LDHAL6A: variants seen among roughly 807,000 people sequenced by gnomAD.
The protein encoded by LDHAL6A is L-lactate dehydrogenase A-like 6A.
In LDHAL6A, 19 loss-of-function variants were observed where a neutral mutation model predicts 28.2. The observed-to-expected ratio is 0.67, with a 90% CI of 0.47 to 0.99. LDHAL6A has a LOEUF of 0.99. Ranked by LOEUF, LDHAL6A falls within the 50% of genes least tolerant of loss-of-function variation. The pLI, the probability that LDHAL6A is intolerant of heterozygous loss-of-function variation, is 0.00. For missense variants in LDHAL6A, 372 were observed against 398.6 expected, an observed-to-expected ratio of 0.93 and a Z score of 0.57; for synonymous variants, 144 against 134.4, an observed-to-expected ratio of 1.07 and a Z score of -0.49.
chr11:18,456,577 TTC>T lies in LDHAL6A; in HGVS notation c.-100_-99del. The T allele has an allele frequency of 1.0e-6, 1 of 1,002,806 alleles. No homozygotes were observed. Among genetic ancestry groups the T allele is most frequent in the South Asian group, 1.4e-5 (1 of 70,546 alleles). 62.1% of individuals were successfully genotyped at this position (1,002,806 alleles called of 1,614,324 possible). On this transcript the variant is annotated 5_prime_UTR_variant, in exon 1 of 7. An upstream open reading frame in the 5' UTR loses its in-frame stop. Transcript: ENST00000280706. ...ACCTCCTTCCACACGGGCCCAGGAG[TTC>T]TCTATACGCGCTCTCACCGCAGGTC...
At chr11:18,473,066 A>G (rs1849287673) in intron 3 of LDHAL6A, among the ~76,000 whole-genome samples, 2 of 152,096 alleles carry the variant, frequency 1.3e-5, no homozygotes, top group Non-Finnish European at 2.9e-5. Context: ...AAAACCCAAC[A>G]CATTTCCTCA....
intron 3 of LDHAL6A, among the ~76,000 whole-genome samples, chr11:18,467,980 C>T (rs1429652616): frequency 8.4e-5 from 4 of 47,842 alleles, no homozygotes; most frequent in African/African-American, 4.2e-4. Flanking sequence ...TATATATATA[C>T]GTATATATAT....
At chr11:18,456,893 G>A (rs1848773182) in intron 1 of LDHAL6A, 87 bp downstream of exon 1, 3 of 1,394,392 alleles carry the variant, frequency 2.2e-6, no homozygotes, top group African/African-American at 2.9e-5. Context: ...TCCAGTTCAA[G>A]GTGGTGAGTG....
Position 18,455,914 on chromosome 11 carries a change from TCACACCTGCC to T in LDHAL6A, c.-766_-757del, listed in dbSNP as rs1848740168. The stretch of plus-strand genomic sequence containing the variant: ...TGCCAAGCATCACACCTGCCAAGCA[TCACACCTGCC>T]AAGCATCACACCTGCGATGCCTGCA... On this transcript the variant is annotated 5_prime_UTR_variant, in exon 1 of 7. Coordinates refer to ENST00000280706, the MANE Select transcript of LDHAL6A (RefSeq NM_144972.5). The T allele has an allele frequency of 6.6e-6, 1 of 151,936 alleles. No homozygotes were observed. Among genetic ancestry groups the T allele is most frequent in the East Asian group, 1.9e-4 (1 of 5,164 alleles). The allele number at this position is 151,936 out of a possible 1,614,324, so 9.4% of individuals were successfully genotyped here. A position where few individuals can be genotyped will look rare whatever the true frequency, so the allele number is the denominator to read the frequency against.
intron 3 of LDHAL6A, among the ~76,000 whole-genome samples, chr11:18,473,651 C>T (rs1849300852): frequency 6.6e-6 from 1 of 152,146 alleles, no homozygotes; most frequent in African/African-American, 2.4e-5. Flanking sequence ...CCCACCTCAG[C>T]CTCCCTGTAA....
Position 18,456,497 on chromosome 11 carries a change from A to G in LDHAL6A, c.-184A>G. ...CATGGATGCTGAGCTGCCTGGCCAG[A>G]ACCTACCCAGCTTCTTTGCTGGTCA... On this transcript the variant is annotated 5_prime_UTR_variant, in exon 1 of 7. Coordinates refer to ENST00000280706, the MANE Select transcript of LDHAL6A (RefSeq NM_144972.5). 1.7e-6 allele frequency: 1 copy of G among 584,204 alleles called. No homozygotes were observed. Among genetic ancestry groups the G allele is most frequent in the Non-Finnish European group, 3.0e-6 (1 of 331,646 alleles). 36.2% of individuals were successfully genotyped at this position (584,204 alleles called of 1,614,324 possible).
intron 5 of LDHAL6A, among the ~76,000 whole-genome samples, chr11:18,477,377 T>C (rs1211575657): frequency 2.6e-5 from 4 of 151,950 alleles, no homozygotes; most frequent in Non-Finnish European, 5.9e-5. Context: ...GAAGATTGCT[T>C]AAACCTGGGA....
chr11:18,457,236 A>G (rs1043395182), intron 1 of LDHAL6A, among the ~76,000 whole-genome samples: 6 of 151,932 alleles, frequency 3.9e-5, no homozygotes, highest in African/African-American at 1.5e-4. Flanking sequence ...GTATATCTTT[A>G]TTTCCCTTCG....
chr11:18,469,764 A>C (rs374313772), intron 3 of LDHAL6A, among the ~76,000 whole-genome samples: 2 of 152,334 alleles, frequency 1.3e-5, no homozygotes, highest in East Asian at 3.9e-4. Flanking sequence ...TGGTCCACTA[A>C]GAACCATCTT....
intron 1 of LDHAL6A, 47 bp downstream of exon 1, chr11:18,456,853 A>T: frequency 1.3e-6 from 2 of 1,584,104 alleles, no homozygotes; most frequent in Non-Finnish European, 1.7e-6. Context: ...GTTGGAGGCG[A>T]GGCCACAGCG....
At chr11:18,466,910 AAGGG>A (rs1222099103) in intron 3 of LDHAL6A, among the ~76,000 whole-genome samples, 1 of 152,184 alleles carries the variant, frequency 6.6e-6, no homozygotes, top group African/African-American at 2.4e-5. Context: ...TAGTGAGAGA[AAGGG>A]AGGAATAAAA....
intron 1 of LDHAL6A, among the ~76,000 whole-genome samples, chr11:18,462,497 TGTG>T (rs1848941969): frequency 6.6e-6 from 1 of 151,128 alleles, no homozygotes; most frequent in African/African-American, 2.4e-5. Context: ...ATTAGCCAGG[TGTG>T]GTGGCGGGCG....
intron 1 of LDHAL6A, among the ~76,000 whole-genome samples, chr11:18,462,438 C>T (rs550879960): frequency 1.3e-3 from 197 of 151,744 alleles, no homozygotes; most frequent in South Asian, 2.9e-3. Flanking sequence ...GAGATCAAGA[C>T]CATCCTGGCT....
rs909345372 is a variant in LDHAL6A at position 18,456,817 on chromosome 11, T to G, written c.126+11T>G. On this transcript the variant is annotated intron_variant, in intron 1 of 6. Transcript: ENST00000280706. ...AGCATCTTATTAAAAGTAAGTTGTGTGCTCTGCACCACAGGGTTCACCTCA... is the reference window on the plus strand; with the variant it reads ...AGCATCTTATTAAAAGTAAGTTGTGGGCTCTGCACCACAGGGTTCACCTCA... 3.0e-5 allele frequency: 49 copies of G among 1,610,884 alleles called. No homozygotes were observed. The East Asian group carries it at 1.1e-3, about 36-fold the overall frequency.
chr11:18,467,036 G>A (rs1849091389), intron 3 of LDHAL6A, among the ~76,000 whole-genome samples: 1 of 152,152 alleles, frequency 6.6e-6, no homozygotes, highest in Non-Finnish European at 1.5e-5. Flanking sequence ...AGGCAGGGAT[G>A]TTACATATAG....
intron 6 of LDHAL6A, 97 bp downstream of exon 6, chr11:18,477,840 G>T: frequency 9.1e-7 from 1 of 1,104,100 alleles, no homozygotes. Context: ...GATCTCGTGG[G>T]AAGCACCTCT....
chr11:18,468,608 G>C (rs1849182341), intron 3 of LDHAL6A: 1 of 152,174 alleles, frequency 6.6e-6, no homozygotes, highest in African/African-American at 2.4e-5. Context: ...CCAAAGTGCT[G>C]GGACTACAGG....
rs1565071420 is a variant in LDHAL6A at position 18,467,972 on chromosome 11, TATATATACGTATATATATGC to T, written c.418+2170_418+2189del. Among the ~76,000 whole-genome samples, 92 of 43,534 alleles carry T rather than the reference TATATATACGTATATATATGC, an allele frequency of 2.1e-3. 8 individuals carry two copies. In the South Asian group the frequency reaches 0.025, roughly 12 times the overall value. 28.6% of individuals were successfully genotyped at this position (43,534 alleles called of 152,430 possible). Reference sequence around the variant, plus strand: ...ATATATATACGTATATATATACGTATATATATACGTATATATATGCATATATATACGTATATATATACATA... The same window carrying T: ...ATATATATACGTATATATATACGTATATATATATACGTATATATATACATA... On this transcript the variant is annotated intron_variant, in intron 3 of 6. Transcript: ENST00000280706.
chr11:18,468,329 G>GT (rs1404010192), intron 3 of LDHAL6A: 9 of 148,786 alleles, frequency 6.0e-5, no homozygotes, highest in African/African-American at 2.0e-4. Flanking sequence ...CAGCTTGGAT[G>GT]TATAGGTTTT....
Sources: gnomAD v4.1 joint callset for allele counts (sites outside exome capture counted in the v4.1 genomes callset) on GRCh38, gnomAD v4.1.1 for gene constraint, MANE v1.5 for transcripts, NCBI Gene and HGNC (gene_info 2026-07-23, HGNC 2026-07-21) for gene names.